UNC5D: variants seen among roughly 807,000 people sequenced by gnomAD.
The protein encoded by UNC5D is unc-5 netrin receptor D, also known as netrin receptor UNC5D.
UNC5D carries 39 observed loss-of-function variants against 105.4 expected under a neutral mutation model. That is an observed-to-expected ratio of 0.37 (90% CI 0.29 to 0.48). The LOEUF is 0.48. Ranked by LOEUF, UNC5D falls within the 20% of genes least tolerant of loss-of-function variation. UNC5D has a pLI of 0.98. For synonymous variants in UNC5D, 452 were observed against 450.4 expected (o/e 1.00, Z -0.04); for missense variants, 991 against 1,202.4 (o/e 0.82, Z 2.60).
chr8:35,389,660 C>G (rs1467733053), intron 1 of UNC5D, among the ~76,000 whole-genome samples: 2 of 150,008 alleles, frequency 1.3e-5, no homozygotes, highest in African/African-American at 4.9e-5. Context: ...CTGAAAACTA[C>G]TTTGCGGTAT....
rs572941879 is a variant in UNC5D, at chr8:35,328,157, G to C, written c.103+92270G>C. On this transcript the variant is annotated intron_variant, in intron 1 of 16. Transcript: ENST00000404895. The stretch of plus-strand genomic sequence containing the variant: ...CCTTATATAATGTATATGTGTATTT[G>C]TTCCAAAAAATAAGAAAAGCTTGAA... Among the ~76,000 whole-genome samples the C allele has an allele frequency of 3.3e-5, 5 of 152,198 alleles. No individual in the cohort carries two copies. In the East Asian group the frequency reaches 9.6e-4, roughly 29 times the overall value.
At chr8:35,598,226 C>T (rs1353889629) in intron 4 of UNC5D, among the ~76,000 whole-genome samples, 2 of 152,174 alleles carry the variant, frequency 1.3e-5, no homozygotes, top group Non-Finnish European at 2.9e-5. Flanking sequence ...TATATACTTT[C>T]TTTTTACCTG....
At chr8:35,761,043 T>C (rs1237833151) in intron 14 of UNC5D, among the ~76,000 whole-genome samples, 1 of 152,130 alleles carries the variant, frequency 6.6e-6, no homozygotes, top group Non-Finnish European at 1.5e-5. Context: ...ACACTTTTTT[T>C]TTCAGGGGGC....
chr8:35,676,296 G>A (rs780328669), intron 4 of UNC5D, among the ~76,000 whole-genome samples: 1 of 152,142 alleles, frequency 6.6e-6, no homozygotes, highest in Non-Finnish European at 1.5e-5. Flanking sequence ...AAATCCATAA[G>A]CTCATTACCT....
At chr8:35,725,555 G>A (rs139956733) in intron 9 of UNC5D, among the ~76,000 whole-genome samples, 81 of 152,052 alleles carry the variant, frequency 5.3e-4, no homozygotes, top group Non-Finnish European at 1.0e-3. Context: ...AGAGCAAATT[G>A]GCTACTCAGA....
chr8:35,395,083 T>C (rs772171478), intron 1 of UNC5D, among the ~76,000 whole-genome samples: 6 of 152,222 alleles, frequency 3.9e-5, no homozygotes, highest in African/African-American at 7.2e-5. Flanking sequence ...ATAAGAAGCA[T>C]AGGGCTATTC....
intron 1 of UNC5D, among the ~76,000 whole-genome samples, chr8:35,428,847 C>T (rs74952495): frequency 0.011 from 1,728 of 152,118 alleles, 20 homozygotes; most frequent in Middle Eastern, 0.024. Context: ...TGACTACCTT[C>T]CTGACCATTT....
At chr8:35,619,402 C>T (rs957549688) in intron 4 of UNC5D, among the ~76,000 whole-genome samples, 6 of 152,108 alleles carry the variant, frequency 3.9e-5, no homozygotes, top group African/African-American at 1.2e-4. Context: ...ATTTTGAGAG[C>T]ACCTAAGGCA....
chr8:35,602,494 TC>T (rs1456849063), intron 4 of UNC5D, among the ~76,000 whole-genome samples: 1 of 152,208 alleles, frequency 6.6e-6, no homozygotes, highest in East Asian at 1.9e-4. Context: ...ATTGGTCTAT[TC>T]AGAGATTCAA....
At chr8:35,595,757 A>C in intron 4 of UNC5D, 100 bp downstream of exon 4, 9 of 1,006,006 alleles carry the variant, frequency 8.9e-6, no homozygotes, top group Non-Finnish European at 1.2e-5. Flanking sequence ...AAAGGAGCCC[A>C]TGTCTGGGAT....
At chr8:35,721,184 G>A (rs1455538182) in intron 8 of UNC5D, among the ~76,000 whole-genome samples, 1 of 152,036 alleles carries the variant, frequency 6.6e-6, no homozygotes. Context: ...ATAATCTGTA[G>A]GAAGATTAAC....
chr8:35,518,305 TCTCA>T (rs1474072552), intron 1 of UNC5D, among the ~76,000 whole-genome samples: 1 of 152,210 alleles, frequency 6.6e-6, no homozygotes. Context: ...AAGCAGCTCC[TCTCA>T]GTGATTTAAT....
At chr8:35,739,952 A>G (rs1237538237) in intron 11 of UNC5D, among the ~76,000 whole-genome samples, 4 of 152,248 alleles carry the variant, frequency 2.6e-5, no homozygotes, top group Admixed American at 1.3e-4. Context: ...AAATTAAACC[A>G]TAACAACCTC....
In UNC5D at chr8:35,731,039, C is replaced by A. The variant is rs758949718; in HGVS notation, c.1709C>A (p.Ala570Asp). 1 of 1,613,846 alleles carries A rather than the reference C, an allele frequency of 6.2e-7. No individual in the cohort carries two copies. Among genetic ancestry groups the A allele is most frequent in the Admixed American group, 1.7e-5 (1 of 59,996 alleles). The change falls in exon 11 of 17, where the codon GCC (alanine) becomes GAC (aspartate). Residue 570 changes from alanine (A) to aspartate (D), a missense_variant. Ala to Asp is a moderately radical substitution (Grantham distance 126, BLOSUM62 -2). Coordinates refer to ENST00000404895, the MANE Select transcript of UNC5D (RefSeq NM_080872.4). ...GTGAGCTTACTCATACCACACGGTGCCATCCCAGAGGAGAATTCTTGGGAG... is the reference window on the plus strand; with the variant it reads ...GTGAGCTTACTCATACCACACGGTGACATCCCAGAGGAGAATTCTTGGGAG... ...TGVSLLIPHGAIPEENSWEIY... is the reference protein window; with the variant it reads ...TGVSLLIPHGDIPEENSWEIY...
intron 1 of UNC5D, among the ~76,000 whole-genome samples, chr8:35,437,696 TAGAAAA>T (rs1338584369): frequency 6.6e-6 from 1 of 152,082 alleles, no homozygotes; most frequent in Non-Finnish European, 1.5e-5. Context: ...AAGAAGGCTA[TAGAAAA>T]GAGATCTATA....
intron 1 of UNC5D, among the ~76,000 whole-genome samples, chr8:35,453,673 C>A (rs1030465171): frequency 5.3e-5 from 8 of 152,094 alleles, no homozygotes; most frequent in African/African-American, 1.9e-4. Flanking sequence ...TGGCCTAGTT[C>A]TTTTTTTGTC....
intron 16 of UNC5D, among the ~76,000 whole-genome samples, chr8:35,783,680 C>A (rs1212655500): frequency 6.6e-6 from 1 of 152,078 alleles, no homozygotes; most frequent in Non-Finnish European, 1.5e-5. Flanking sequence ...ATGTGCTAGT[C>A]CCTAAAATAT....
intron 1 of UNC5D, among the ~76,000 whole-genome samples, chr8:35,260,583 A>T (rs952471048): frequency 3.3e-5 from 5 of 151,960 alleles, no homozygotes; most frequent in Non-Finnish European, 7.4e-5. Flanking sequence ...CCAGCCTCAG[A>T]CTCCAGAGTA....
intron 1 of UNC5D, among the ~76,000 whole-genome samples, chr8:35,264,470 G>C (rs1222524855): frequency 6.6e-6 from 1 of 152,200 alleles, no homozygotes; most frequent in Non-Finnish European, 1.5e-5. Context: ...GCTCATGCCT[G>C]TCATTCCAGC....
Sources: gnomAD v4.1 joint callset for allele counts (sites outside exome capture counted in the v4.1 genomes callset) on GRCh38, gnomAD v4.1.1 for gene constraint, MANE v1.5 for transcripts, NCBI Gene and HGNC (gene_info 2026-07-23, HGNC 2026-07-21) for gene names.